HDAC9: variants seen among roughly 807,000 people sequenced by gnomAD.
HDAC9 encodes histone deacetylase 9.
HDAC9 carries 41 observed loss-of-function variants against 139.4 expected under a neutral mutation model. That is an observed-to-expected ratio of 0.29 (90% confidence interval 0.23 to 0.38). The LOEUF is 0.38. Among genes scored for constraint, HDAC9 ranks in the 10% least tolerant of loss-of-function variants. The pLI is 1.00. For missense variants in HDAC9, 1,147 were observed against 1,297.0 expected (o/e 0.88, Z 1.78); for synonymous variants, 517 against 476.2 (o/e 1.09, Z -1.12).
chr7:18,976,484 G>T (rs766829188), intron 25 of HDAC9, among the ~76,000 whole-genome samples: 8 of 152,210 alleles, frequency 5.3e-5, no homozygotes. Context: ...AAGGAGACAA[G>T]AGACTGTGTG....
intron 22 of HDAC9, among the ~76,000 whole-genome samples, chr7:18,898,516 G>A (rs116458362): frequency 0.01 from 1,526 of 151,968 alleles, 31 homozygotes; most frequent in African/African-American, 0.034. Flanking sequence ...TTCTGAAGGC[G>A]TTTCCTTTGA....
chr7:18,916,022 G>GGAA (rs1491394538), intron 22 of HDAC9, among the ~76,000 whole-genome samples: 3 of 138,128 alleles, frequency 2.2e-5, no homozygotes, highest in East Asian at 2.1e-4. Flanking sequence ...CCCCCCGCTG[G>GGAA]AAAAAAAAAA....
intron 12 of HDAC9, among the ~76,000 whole-genome samples, chr7:18,671,430 T>G (rs1394733034): frequency 6.6e-6 from 1 of 152,028 alleles, no homozygotes; most frequent in Non-Finnish European, 1.5e-5. Context: ...GATGGCCAGG[T>G]GCCCTAACCA....
At chr7:18,143,987 G>C (rs1490386865) in intron 1 of HDAC9, among the ~76,000 whole-genome samples, 1 of 151,980 alleles carries the variant, frequency 6.6e-6, no homozygotes, top group Non-Finnish European at 1.5e-5. Flanking sequence ...TCTATTGCTG[G>C]ATCTATTTAT....
At chr7:18,561,655 G>A (rs1002210721) in intron 2 of HDAC9, among the ~76,000 whole-genome samples, 2 of 67,224 alleles carry the variant, frequency 3.0e-5, no homozygotes, top group South Asian at 4.6e-4. Context: ...CTCTATAAAT[G>A]TGCCCATTTT....
intron 21 of HDAC9, among the ~76,000 whole-genome samples, chr7:18,870,853 A>C (rs6945057): frequency 2.2e-4 from 33 of 152,050 alleles, no homozygotes; most frequent in African/African-American, 7.7e-4. Context: ...TTTTTTGGAG[A>C]GATGGGGTCT....
At chr7:18,919,792 A>C (rs1161914974) in intron 22 of HDAC9, among the ~76,000 whole-genome samples, 1 of 152,052 alleles carries the variant, frequency 6.6e-6, no homozygotes, top group Non-Finnish European at 1.5e-5. Flanking sequence ...TGGTATGCTT[A>C]AGTTGTTGAC....
At chr7:18,451,058 G>A (rs1045333043) in intron 1 of HDAC9, among the ~76,000 whole-genome samples, 3 of 152,114 alleles carry the variant, frequency 2.0e-5, no homozygotes, top group Admixed American at 1.3e-4. Context: ...CATTGTGGTG[G>A]TATTAAGAGG....
intron 1 of HDAC9, among the ~76,000 whole-genome samples, chr7:18,419,267 A>C (rs750314094): frequency 3.9e-5 from 6 of 152,218 alleles, no homozygotes; most frequent in Non-Finnish European, 8.8e-5. Context: ...TATGATATTA[A>C]TAATAAATAT....
At chr7:18,491,090 T>C (rs1796331628), upstream of HDAC9, among the ~76,000 whole-genome samples, 1 of 151,970 alleles carries the variant, frequency 6.6e-6, no homozygotes, top group Admixed American at 6.6e-5. Flanking sequence ...TGTTTCCAGT[T>C]ATCAACTGAG....
At chr7:18,827,081 C>T (rs1016103182) in intron 17 of HDAC9, among the ~76,000 whole-genome samples, 6 of 148,994 alleles carry the variant, frequency 4.0e-5, no homozygotes, top group African/African-American at 1.3e-4. Flanking sequence ...AGCGAGACCT[C>T]GTCTCAAAAA....
At chr7:18,638,529 C>T (rs965541756) in intron 8 of HDAC9, among the ~76,000 whole-genome samples, 6 of 152,202 alleles carry the variant, frequency 3.9e-5, no homozygotes, top group African/African-American at 1.4e-4. Flanking sequence ...CAGACTTCCC[C>T]TGACCCCCAG....
At chr7:18,794,221 G>A (rs765813493) in intron 17 of HDAC9, among the ~76,000 whole-genome samples, 2 of 152,174 alleles carry the variant, frequency 1.3e-5, no homozygotes, top group Admixed American at 6.5e-5. Flanking sequence ...ACTTCATGAC[G>A]CAATCTGGGT....
intron 1 of HDAC9, among the ~76,000 whole-genome samples, chr7:18,461,116 G>T (rs1793807161): frequency 6.6e-6 from 1 of 152,136 alleles, no homozygotes; most frequent in African/African-American, 2.4e-5. Flanking sequence ...GTGTACGTGT[G>T]CATGCGTATA....
At chr7:18,688,767 G>T (rs1338373240) in intron 12 of HDAC9, among the ~76,000 whole-genome samples, 1 of 151,804 alleles carries the variant, frequency 6.6e-6, no homozygotes, top group Non-Finnish European at 1.5e-5. Context: ...CTTTAAATTG[G>T]AGCAGGGCAG....
chr7:18,687,741 A>G (rs937055829), intron 12 of HDAC9, among the ~76,000 whole-genome samples: 1 of 151,906 alleles, frequency 6.6e-6, no homozygotes, highest in Non-Finnish European at 1.5e-5. Context: ...CAGAAAGGGA[A>G]GAAGAGGGAA....
At chr7:18,127,004 C>T (rs561469559) in intron 1 of HDAC9, among the ~76,000 whole-genome samples, 1 of 152,164 alleles carries the variant, frequency 6.6e-6, no homozygotes, top group African/African-American at 2.4e-5. Flanking sequence ...GTTATTGATG[C>T]CTGGGCATTT....
chr7:18,926,388 C>T (rs1804230781), intron 22 of HDAC9, among the ~76,000 whole-genome samples: 1 of 152,108 alleles, frequency 6.6e-6, no homozygotes, highest in Admixed American at 6.6e-5. Context: ...ATATGCCAGA[C>T]TCTGTTTGAT....
At chr7:18,394,114 G>A (rs1232920766) in intron 1 of HDAC9, among the ~76,000 whole-genome samples, 1 of 152,068 alleles carries the variant, frequency 6.6e-6, no homozygotes, top group Non-Finnish European at 1.5e-5. Flanking sequence ...TCAGGTTTCT[G>A]TGTACCTTAG....
Sources: allele counts gnomAD v4.1 joint callset (sites outside exome capture counted in the v4.1 genomes callset), GRCh38; gene constraint gnomAD v4.1.1; transcripts MANE v1.5; gene names NCBI Gene and HGNC (gene_info 2026-07-23, HGNC 2026-07-21).